CACNA2D2: variants seen among roughly 807,000 people sequenced by gnomAD.
CACNA2D2 encodes the protein calcium voltage-gated channel auxiliary subunit alpha2delta 2, also known as voltage-dependent calcium channel subunit alpha-2/delta-2.
Under a neutral mutation model 166.4 loss-of-function variants are expected in CACNA2D2, and 48 were observed. The observed-to-expected ratio is 0.29, with a 90% CI of 0.23 to 0.37. CACNA2D2 has a LOEUF of 0.37. Among genes scored for constraint, CACNA2D2 ranks in the 10% least tolerant of loss-of-function variants. CACNA2D2 has a pLI of 1.00. For missense variants in CACNA2D2, 1,122 were observed against 1,433.0 expected (o/e 0.78, Z 3.50); for synonymous variants, 561 against 573.7 (o/e 0.98, Z 0.32).
At position 50,363,512 on chromosome 3, in the gene CACNA2D2, TG is replaced by T. The variant is rs992232763; in HGVS notation, c.*1153del. 274 of 372,838 alleles carry T rather than the reference TG, an allele frequency of 7.3e-4. No individual in the cohort carries two copies. Among genetic ancestry groups the T allele is most frequent in the Admixed American group, 3.5e-3 (75 of 21,564 alleles). 23.1% of individuals were successfully genotyped at this position (372,838 alleles called of 1,614,324 possible). ...TGTGTTCAGCAAGGGAGGGACAGTT[TG>T]GCCTCCTGCAAGCAGGGAGTGTGTG... On this transcript the variant is annotated 3_prime_UTR_variant, in exon 38 of 38. Transcript: ENST00000424201.
chr3:50,434,475 C>A (rs892283666), intron 2 of CACNA2D2, 46 bp from the exon 3 acceptor site: 2 of 1,396,028 alleles, frequency 1.4e-6, no homozygotes, highest in Admixed American at 3.4e-5. Flanking sequence ...GGTCCCACGT[C>A]CTCATGCCAT....
chr3:50,427,540 G>A lies in CACNA2D2; in HGVS notation c.405+6773C>T, dbSNP rs1707859426. Among the ~76,000 whole-genome samples, 1 of 152,368 alleles carries A rather than the reference G, an allele frequency of 6.6e-6. No individual in the cohort carries two copies. Among genetic ancestry groups the A allele is most frequent in the Admixed American group, 6.5e-5 (1 of 15,302 alleles). The stretch of plus-strand genomic sequence containing the variant: ...CTTTCCAGAGCAGGAGAGTGGAAGG[G>A]TCAAGATCTCTTAATGTTCATAATG... On this transcript the variant is annotated intron_variant, in intron 3 of 37. Coordinates refer to ENST00000424201, the MANE Select transcript of CACNA2D2 (RefSeq NM_006030.4). The surrounding 1 kb of genome is among the most constrained non-coding windows in gnomAD (Gnocchi z 4.7).
At chr3:50,372,393 G>A (rs1704699093) in intron 22 of CACNA2D2, among the ~76,000 whole-genome samples, 1 of 152,194 alleles carries the variant, frequency 6.6e-6, no homozygotes, top group South Asian at 2.1e-4. Context: ...CAAAGCCTCT[G>A]GAAGCAGCGG....
At chr3:50,445,553 G>A (rs1708804138) in intron 2 of CACNA2D2, among the ~76,000 whole-genome samples, 1 of 152,068 alleles carries the variant, frequency 6.6e-6, no homozygotes, top group African/African-American at 2.4e-5. Context: ...ATCCTTGTAA[G>A]TGCCCTTAAG....
chr3:50,499,562 G>A (rs1192340372), intron 1 of CACNA2D2, among the ~76,000 whole-genome samples: 2 of 152,338 alleles, frequency 1.3e-5, no homozygotes, highest in East Asian at 3.9e-4. Flanking sequence ...CACCCAGCAT[G>A]TCCCCAAACT....
chr3:50,407,220 C>G (rs1253343009), intron 3 of CACNA2D2, among the ~76,000 whole-genome samples: 1 of 151,846 alleles, frequency 6.6e-6, no homozygotes, highest in Non-Finnish European at 1.5e-5. Flanking sequence ...CCTGGAAGGA[C>G]TGTCAGGCCA....
intron 13 of CACNA2D2, 21 bp from the exon 14 acceptor site, chr3:50,378,354 G>T: frequency 6.4e-7 from 1 of 1,551,232 alleles, no homozygotes; most frequent in South Asian, 1.2e-5. Flanking sequence ...AGGAGAGGCA[G>T]AGGTGGGCCT....
chr3:50,440,317 A>G (rs915063789), intron 2 of CACNA2D2, among the ~76,000 whole-genome samples: 2 of 152,250 alleles, frequency 1.3e-5, no homozygotes, highest in Non-Finnish European at 2.9e-5. Context: ...ATCGGTGCCC[A>G]GGCAGGGGGG....
At chr3:50,500,015 A>G (rs1450410371) in intron 1 of CACNA2D2, among the ~76,000 whole-genome samples, 1 of 152,146 alleles carries the variant, frequency 6.6e-6, no homozygotes, top group Non-Finnish European at 1.5e-5. Flanking sequence ...TTTTGGGAAG[A>G]TGGGGGACCC....
At chr3:50,450,203 C>T (rs977132436) in intron 2 of CACNA2D2, among the ~76,000 whole-genome samples, 2 of 152,178 alleles carry the variant, frequency 1.3e-5, no homozygotes, top group African/African-American at 4.8e-5. Flanking sequence ...TAAAATGGGG[C>T]AGGATTCACA....
intron 4 of CACNA2D2, 148 bp from the exon 5 acceptor site, chr3:50,387,760 G>C (rs751913804): frequency 1.5e-6 from 1 of 655,034 alleles, no homozygotes; most frequent in Non-Finnish European, 2.6e-6. Flanking sequence ...TCCTGGAAGG[G>C]CCGGATAGGT....
At chr3:50,373,784 G>C (rs1296844301) in intron 22 of CACNA2D2, among the ~76,000 whole-genome samples, 1 of 132,648 alleles carries the variant, frequency 7.5e-6, no homozygotes. Context: ...GGATGCAGAG[G>C]GGAGAGAGGT....
intron 1 of CACNA2D2, among the ~76,000 whole-genome samples, chr3:50,502,585 G>GC (rs1699022703): frequency 6.6e-6 from 1 of 152,188 alleles, no homozygotes; most frequent in African/African-American, 2.4e-5. Flanking sequence ...TTCACCTTCT[G>GC]CCCGGACCCC....
intron 1 of CACNA2D2, among the ~76,000 whole-genome samples, chr3:50,497,365 C>T (rs373487590): frequency 1.1e-4 from 17 of 152,238 alleles, no homozygotes; most frequent in African/African-American, 4.1e-4. Flanking sequence ...CAGAGGCCTC[C>T]TCACCTAAGA....
At chr3:50,404,010 C>T (rs1444262044) in intron 3 of CACNA2D2, among the ~76,000 whole-genome samples, 1 of 152,252 alleles carries the variant, frequency 6.6e-6, no homozygotes, top group Non-Finnish European at 1.5e-5. Context: ...CAGTGCTGGG[C>T]AAGCCAGCTC....
Position 50,367,116 on chromosome 3 carries a change from G to A in CACNA2D2, c.2402-7C>T. The A allele has an allele frequency of 6.2e-7, 1 of 1,605,910 alleles. No homozygotes were observed. The stretch of plus-strand genomic sequence containing the variant: ...TCCAGCGGCCTTAACAGGGCTGGGG[G>A]TTGGGTGGGGAAGTCAGGAGTGGGG... On this transcript the variant is annotated splice_polypyrimidine_tract_variant and splice_region_variant and intron_variant, in intron 27 of 37. Transcript: ENST00000424201. This position sits in a 1 kb window ranked among gnomAD's most constrained non-coding sequence, Gnocchi z 6.5.
chr3:50,422,199 C>A (rs1161984919), intron 3 of CACNA2D2, among the ~76,000 whole-genome samples: 2 of 152,178 alleles, frequency 1.3e-5, no homozygotes, highest in Non-Finnish European at 2.9e-5. Flanking sequence ...CCCCTGACAA[C>A]TACAAAGGCC....
intron 3 of CACNA2D2, among the ~76,000 whole-genome samples, chr3:50,416,460 T>C (rs930924177): frequency 2.0e-5 from 3 of 152,336 alleles, no homozygotes; most frequent in East Asian, 1.9e-4. Flanking sequence ...CAAACTGTTA[T>C]GGTTGTGAGC....
In CACNA2D2 at chr3:50,406,963, G is replaced by A. The variant is rs115177372; in HGVS notation, c.406-12795C>T. On this transcript the variant is annotated intron_variant, in intron 3 of 37. Transcript: ENST00000424201. ...CCCTCCAGCATCATCAGAGGGTTGG[G>A]GAACCTGTAAACAAATGACTCAGTG... 8.7e-3 allele frequency among the ~76,000 whole-genome samples: 1,321 copies of A among 151,942 alleles called. 9 individuals are homozygous for A. The highest frequency in any genetic ancestry group is 0.044 in the Middle Eastern group (13 of 294).
Sources: allele counts gnomAD v4.1 joint callset (sites outside exome capture counted in the v4.1 genomes callset), GRCh38; gene constraint gnomAD v4.1.1; non-coding constraint Gnocchi (gnomAD v3.1); transcripts MANE v1.5; gene names NCBI Gene and HGNC (gene_info 2026-07-23, HGNC 2026-07-21).